P3H2: variants seen among roughly 807,000 people sequenced by gnomAD.
P3H2 encodes the protein leprecan-like 1.
In P3H2, 80 loss-of-function variants were observed where a neutral mutation model predicts 87.0. That is an observed-to-expected ratio of 0.92 (90% CI 0.77 to 1.11). The LOEUF (loss-of-function observed/expected upper bound fraction) is 1.11, where lower values mean the gene tolerates loss of function less well. Among genes scored for constraint, P3H2 ranks in the 50% least tolerant of loss-of-function variants. The pLI, the probability that P3H2 is intolerant of heterozygous loss-of-function variation, is 0.00. For synonymous variants in P3H2, 367 were observed against 359.3 expected, an observed-to-expected ratio of 1.02 and a Z score of -0.24; for missense variants, 1,001 against 923.9, an observed-to-expected ratio of 1.08 and a Z score of -1.08.
intron 1 of P3H2, among the ~76,000 whole-genome samples, chr3:190,055,843 C>G (rs80139550): frequency 0.02 from 3,032 of 152,178 alleles, 111 homozygotes; most frequent in African/African-American, 0.07. Flanking sequence ...CTAAAAAGAG[C>G]CTCTTTTTCC....
At chr3:189,982,608 A>G (rs1723570440) in intron 8 of P3H2, among the ~76,000 whole-genome samples, 1 of 152,120 alleles carries the variant, frequency 6.6e-6, no homozygotes, top group African/African-American at 2.4e-5. Context: ...GCTCAGATCT[A>G]TGTGCTTCAA....
At chr3:189,980,290 C>G (rs1052106951) in intron 8 of P3H2, among the ~76,000 whole-genome samples, 1 of 152,150 alleles carries the variant, frequency 6.6e-6, no homozygotes, top group South Asian at 2.1e-4. Context: ...TGTTGCTGGG[C>G]GTGGTGGCTC....
At chr3:189,989,566 G>A (rs754308054) in intron 3 of P3H2, among the ~76,000 whole-genome samples, 7 of 152,090 alleles carry the variant, frequency 4.6e-5, no homozygotes, top group Non-Finnish European at 1.0e-4. Context: ...AAGCCAAATT[G>A]TCCTAAAAGA....
chr3:190,092,659 T>C (rs1473761071), intron 1 of P3H2, among the ~76,000 whole-genome samples: 1 of 152,228 alleles, frequency 6.6e-6, no homozygotes, highest in Admixed American at 6.5e-5. Context: ...CTGAACTCTT[T>C]TCAGTCTTAC....
At chr3:190,066,674 G>C (rs1157338071) in intron 1 of P3H2, among the ~76,000 whole-genome samples, 1 of 151,958 alleles carries the variant, frequency 6.6e-6, no homozygotes, top group Non-Finnish European at 1.5e-5. Context: ...TATAAAAAAA[G>C]TTTATGAAAA....
In P3H2 at chr3:189,995,291, ATG is replaced by A; in HGVS notation, c.630_631del (p.Met211GlyfsTer8). On this transcript the variant is annotated frameshift_variant and splice_region_variant, in exon 2 of 15. Coordinates refer to ENST00000319332, the MANE Select transcript of P3H2 (RefSeq NM_018192.4). LOFTEE classifies it high-confidence loss of function. ...AGGGCAGGGGCCCACAGAGCTTACC[ATG>A]TGTGGCTTGGCTTCTCTGTCTACCA... 6.2e-7 allele frequency: 1 copy of A among 1,614,020 alleles called. No homozygotes were observed. Among genetic ancestry groups the A allele is most frequent in the Non-Finnish European group, 8.5e-7 (1 of 1,179,962 alleles).
At chr3:190,022,697 A>G (rs1724960431) in intron 1 of P3H2, among the ~76,000 whole-genome samples, 1 of 78,360 alleles carries the variant, frequency 1.3e-5, no homozygotes, top group African/African-American at 3.6e-5. Context: ...TGGGTACTTT[A>G]TAAAACCATT....
intron 1 of P3H2, among the ~76,000 whole-genome samples, chr3:190,014,134 G>C (rs1237832952): frequency 6.6e-6 from 1 of 152,210 alleles, no homozygotes. Flanking sequence ...CATTTGTGCT[G>C]ATCCTGGAGG....
At chr3:189,995,606 A>T (rs572322200) in intron 1 of P3H2, among the ~76,000 whole-genome samples, 164 bp from the exon 2 acceptor site, 1 of 151,428 alleles carries the variant, frequency 6.6e-6, no homozygotes, top group East Asian at 1.9e-4. Flanking sequence ...AAATGGGATT[A>T]TAACAAAGTA....
At chr3:190,030,362 A>C (rs1003676490) in intron 1 of P3H2, among the ~76,000 whole-genome samples, 10 of 152,358 alleles carry the variant, frequency 6.6e-5, no homozygotes, top group Middle Eastern at 6.8e-3. Flanking sequence ...GCTTGAGCCC[A>C]GCAGTTCAAG....
intron 1 of P3H2, among the ~76,000 whole-genome samples, chr3:190,053,952 G>C (rs1394808954): frequency 6.6e-6 from 1 of 151,968 alleles, no homozygotes; most frequent in African/African-American, 2.4e-5. Flanking sequence ...ATCTATTGAG[G>C]TTTTTTTATA....
At chr3:190,079,659 G>C (rs572450671) in intron 1 of P3H2, among the ~76,000 whole-genome samples, 1 of 152,216 alleles carries the variant, frequency 6.6e-6, no homozygotes, top group South Asian at 2.1e-4. Context: ...CTTCTCAACA[G>C]AGTACCTAAC....
intron 1 of P3H2, among the ~76,000 whole-genome samples, chr3:190,049,510 A>G (rs1725908934): frequency 6.6e-6 from 1 of 152,218 alleles, no homozygotes; most frequent in Non-Finnish European, 1.5e-5. Context: ...GATATGTGAC[A>G]AATACATTTC....
At chr3:189,997,766 T>A (rs1371394289) in intron 1 of P3H2, among the ~76,000 whole-genome samples, 1 of 152,220 alleles carries the variant, frequency 6.6e-6, no homozygotes, top group Non-Finnish European at 1.5e-5. Context: ...ACTGTCAAAA[T>A]CACTAATTTT....
intron 6 of P3H2, 63 bp downstream of exon 6, chr3:189,986,725 T>C: frequency 8.2e-7 from 1 of 1,220,354 alleles, no homozygotes. Context: ...AGGCAGGTAA[T>C]AAAAACATAA....
chr3:189,984,482 C>G, intron 7 of P3H2, 68 bp downstream of exon 7: 2 of 1,138,842 alleles, frequency 1.8e-6, no homozygotes, highest in Admixed American at 1.7e-5. Flanking sequence ...CTACATTTCT[C>G]TATGATAGGT....
At chr3:189,969,891 C>T (rs895139806) in intron 13 of P3H2, 32 of 1,026,176 alleles carry the variant, frequency 3.1e-5, no homozygotes, top group African/African-American at 7.9e-5. Flanking sequence ...CTGCAGTGGG[C>T]GAGCACTCGG....
chr3:190,026,858 T>C (rs1168803353), intron 1 of P3H2, among the ~76,000 whole-genome samples: 2 of 152,164 alleles, frequency 1.3e-5, no homozygotes, highest in Non-Finnish European at 2.9e-5. Flanking sequence ...AATAACCAGG[T>C]CTGGTTTCCC....
chr3:190,073,604 C>G (rs900377305), intron 1 of P3H2, among the ~76,000 whole-genome samples: 3 of 152,174 alleles, frequency 2.0e-5, no homozygotes, highest in Admixed American at 6.5e-5. Flanking sequence ...TCGCTGACAG[C>G]AGTGTGCCCA....
Sources: allele counts gnomAD v4.1 joint callset (sites outside exome capture counted in the v4.1 genomes callset), GRCh38; gene constraint gnomAD v4.1.1; transcripts MANE v1.5; gene names NCBI Gene and HGNC (gene_info 2026-07-23, HGNC 2026-07-21).